The following OTUD4 variants were observed in gnomAD, a reference collection of about 807,000 sequenced individuals.
OTUD4 encodes OTU domain-containing protein 4.
OTUD4 carries 24 observed loss-of-function variants against 130.4 expected under a neutral mutation model. The observed-to-expected ratio is 0.18, with a 90% CI of 0.13 to 0.26. OTUD4 has a LOEUF of 0.26. Among genes scored for constraint, OTUD4 ranks in the 10% least tolerant of loss-of-function variants. The pLI, the probability that OTUD4 is intolerant of heterozygous loss-of-function variation, is 1.00. For synonymous variants in OTUD4, 420 were observed against 472.5 expected (o/e 0.89, Z 1.44); for missense variants, 1,031 against 1,329.4 (o/e 0.78, Z 3.49).
chr4:145,150,870 T>C lies in OTUD4; in HGVS notation c.1004A>G (p.Glu335Gly). The part of the protein sequence containing the change: ...TSKNLKAPPP[E>G]SWNTVSGKKM... ...CTTCCCTGACACTGTGTTCCAGCTT[T>C]CTGGGGGAGGTGCCTTGAGGTTCTT... is the stretch of plus-strand genomic sequence containing the variant. The change falls in exon 12 of 21, where the codon GAA (glutamate) becomes GGA (glycine). Residue 335 changes from glutamate (E) to glycine (G), a missense_variant. This residue lies in a region of OTUD4 where 900 missense variants were observed against 1,095.9 expected (regional missense o/e 0.82). Transcript: ENST00000447906. The C allele has an allele frequency of 6.2e-7, 1 of 1,613,876 alleles. No homozygotes were observed. Among genetic ancestry groups the C allele is most frequent in the South Asian group, 1.1e-5 (1 of 91,024 alleles).
chr4:145,145,818 C>A (rs900981305), intron 14 of OTUD4, among the ~76,000 whole-genome samples: 4 of 152,178 alleles, frequency 2.6e-5, no homozygotes, highest in African/African-American at 9.7e-5. Context: ...CAGCCCAGTG[C>A]CTGACACATG....
intron 5 of OTUD4, 26 bp downstream of exon 5, chr4:145,164,127 CT>C: frequency 9.2e-7 from 1 of 1,089,086 alleles, no homozygotes; most frequent in South Asian, 1.4e-5. Context: ...TACTTAAATA[CT>C]TTAGAACACT....
intron 3 of OTUD4, among the ~76,000 whole-genome samples, chr4:145,166,175 G>C (rs900348381): frequency 6.6e-6 from 1 of 150,610 alleles, no homozygotes; most frequent in African/African-American, 2.4e-5. Context: ...AAAAAAAAAA[G>C]AAAGAAAGAA....
chr4:145,161,975 T>C (rs1323386394), intron 6 of OTUD4, among the ~76,000 whole-genome samples: 4 of 152,210 alleles, frequency 2.6e-5, no homozygotes, highest in Admixed American at 6.5e-5. Flanking sequence ...TGTTTTGTTT[T>C]GCTTTGCTTC....
chr4:145,178,185 A>T (rs886584980), intron 1 of OTUD4: 1 of 152,238 alleles, frequency 6.6e-6, no homozygotes, highest in African/African-American at 2.4e-5. Context: ...CTACTTAAAA[A>T]CAGAGATCCC....
At chr4:145,170,546 T>C (rs918046511) in intron 3 of OTUD4, among the ~76,000 whole-genome samples, 1 of 152,224 alleles carries the variant, frequency 6.6e-6, no homozygotes, top group Non-Finnish European at 1.5e-5. Context: ...CACAGCTATA[T>C]ACCTCTTGTG....
Position 145,138,013 on chromosome 4 carries a change from T to G in OTUD4, c.2762A>C (p.His921Pro), listed in dbSNP as rs1273833663. 5 of 1,613,980 alleles carry G rather than the reference T, an allele frequency of 3.1e-6. No individual in the cohort carries two copies. Among genetic ancestry groups the G allele is most frequent in the Non-Finnish European group, 4.2e-6 (5 of 1,179,962 alleles). The change falls in exon 21 of 21, where the codon CAT (histidine) becomes CCT (proline). Residue 921 changes from histidine (H) to proline (P), a missense_variant. Transcript: ENST00000447906. ...EFPEARGEHV[H>P]SLPEASVSSK... is the part of the protein sequence containing the mutation. ...GCTCACACTTGCTTCAGGGAGAGAA[T>G]GTACATGTTCACCCCTGGCTTCTGG... is the stretch of plus-strand genomic sequence containing the variant.
rs1188462977 is a variant in OTUD4, at chr4:145,180,541, G to A, written c.-568C>T. Among the ~76,000 whole-genome samples, 6 of 152,334 alleles carry A rather than the reference G, an allele frequency of 3.9e-5. No homozygotes were observed. The highest frequency in any genetic ancestry group is 3.4e-3 in the Middle Eastern group (1 of 294). ...GGCGCCCGGGAGAGAACAGCACCTC[G>A]CAGCCCAGAATTTGTTTTCGCTTTC... is the stretch of plus-strand genomic sequence containing the variant. On this transcript the variant is annotated 5_prime_UTR_variant, in exon 1 of 21. Coordinates refer to ENST00000447906, the MANE Select transcript of OTUD4 (RefSeq NM_001366057.1).
chr4:145,162,292 G>A (rs1404817955), intron 6 of OTUD4, among the ~76,000 whole-genome samples: 4 of 152,038 alleles, frequency 2.6e-5, no homozygotes, highest in Non-Finnish European at 5.9e-5. Context: ...GGTAGCTCAC[G>A]CCTGTAATCC....
In OTUD4 at chr4:145,150,916, GA is replaced by G; in HGVS notation, c.969-12del. ...TTCTTTGATGTGTGCCTTCAAAGGG[GA>G]AAAGACTTGTGATAGCTTAAAATAC... On this transcript the variant is annotated splice_polypyrimidine_tract_variant and intron_variant, in intron 11 of 20. Transcript: ENST00000447906. 3.2e-6 allele frequency: 5 copies of G among 1,571,500 alleles called. No homozygotes were observed. Among genetic ancestry groups the G allele is most frequent in the Non-Finnish European group, 3.5e-6 (4 of 1,146,318 alleles).
chr4:145,156,855 G>C (rs1299979419), intron 7 of OTUD4, among the ~76,000 whole-genome samples: 1 of 152,112 alleles, frequency 6.6e-6, no homozygotes, highest in Non-Finnish European at 1.5e-5. Flanking sequence ...GAACAACATA[G>C]GTTTGAACTG....
At chr4:145,150,415 A>C (rs539241939) in intron 13 of OTUD4, 98 bp downstream of exon 13, 53 of 766,268 alleles carry the variant, frequency 6.9e-5, no homozygotes, top group Non-Finnish European at 1.0e-4. Context: ...CAATGATATG[A>C]GTAAAAAGTT....
At chr4:145,167,255 A>G (rs376848593) in intron 3 of OTUD4, among the ~76,000 whole-genome samples, 5 of 152,366 alleles carry the variant, frequency 3.3e-5, no homozygotes, top group South Asian at 2.1e-4. Context: ...CCTTGAAAGG[A>G]AAGAAAAACT....
intron 1 of OTUD4, among the ~76,000 whole-genome samples, chr4:145,175,558 T>G (rs897395716): frequency 2.6e-5 from 4 of 152,128 alleles, no homozygotes; most frequent in African/African-American, 9.7e-5. Flanking sequence ...TCTTTTTTTT[T>G]TTTTGAGACG....
Position 145,155,402 on chromosome 4 carries a change from G to C in OTUD4, c.873+9C>G. 2 of 1,602,952 alleles carry C rather than the reference G, an allele frequency of 1.2e-6. No homozygotes were observed. Among genetic ancestry groups the C allele is most frequent in the Non-Finnish European group, 1.7e-6 (2 of 1,174,032 alleles). ...TAAAATCTCTTCTTCTTTTACATAA[G>C]TCACTTACTTGACATTTGTCTCCAA... On this transcript the variant is annotated intron_variant, in intron 10 of 20. Coordinates refer to ENST00000447906, the MANE Select transcript of OTUD4 (RefSeq NM_001366057.1).
Position 145,171,717 on chromosome 4 carries a change from TA to T in OTUD4, c.246del (p.Phe82LeufsTer2). 2 of 1,320,052 alleles carry T rather than the reference TA, an allele frequency of 1.5e-6. No homozygotes were observed. The highest frequency in any genetic ancestry group is 2.2e-6 in the Non-Finnish European group (2 of 914,472). The allele number at this position is 1,320,052 out of a possible 1,614,324, so 81.8% of individuals were successfully genotyped here. On this transcript the variant is annotated frameshift_variant and splice_region_variant, in exon 3 of 21. Transcript: ENST00000447906. LOFTEE classifies it high-confidence loss of function. ...LRENREKFEA[F>X]IEGSFEEYLK... is the part of the protein sequence containing the mutation. ...AAATATTCTTCAAATGATCCTTCTA[TA>T]AACTGCAAAAAATAAATCTATTAGA...
rs1560974486 is a variant in OTUD4, at chr4:145,137,475, C to T, written c.3300G>A (p.Arg1100=). 6.2e-7 allele frequency: 1 copy of T among 1,612,670 alleles called. No individual in the cohort carries two copies. Among genetic ancestry groups the T allele is most frequent in the African/African-American group, 1.3e-5 (1 of 74,820 alleles). ...NVRGRPFRGD[R]RRSGMGDGHR... ...GGCCATCTCCCATCCCTGATCTCCTCCTATCTCCCCTAAATGGTCGCCCTC... is the reference window on the plus strand; with the variant it reads ...GGCCATCTCCCATCCCTGATCTCCTTCTATCTCCCCTAAATGGTCGCCCTC... Residue 1100 remains arginine, a synonymous_variant, in exon 21 of 21, where the codon AGG becomes AGA. Coordinates refer to ENST00000447906, the MANE Select transcript of OTUD4 (RefSeq NM_001366057.1).
chr4:145,142,496 A>AG (rs1233491719), intron 17 of OTUD4, among the ~76,000 whole-genome samples, 162 bp from the exon 18 acceptor site: 3 of 152,264 alleles, frequency 2.0e-5, no homozygotes, highest in Non-Finnish European at 4.4e-5. Flanking sequence ...AACACACAGT[A>AG]GCTAAAGATA....
Position 145,162,653 on chromosome 4 carries a change from A to C in OTUD4, c.483T>G (p.Ser161=), listed in dbSNP as rs757595120. 4.6e-6 allele frequency: 7 copies of C among 1,515,380 alleles called. No homozygotes were observed. The African/African-American group carries it at 9.7e-5, about 21-fold the overall frequency. 93.9% of individuals were successfully genotyped at this position (1,515,380 alleles called of 1,614,324 possible). Residue 161 remains serine, a synonymous_variant, in exon 6 of 21, where the codon TCT becomes TCG. Transcript: ENST00000447906. ...IVYPIKYKES[S]AMCQSLLYEL... is the part of the protein sequence containing the mutation. ...GGTGATACTTACACTGACACATAGC[A>C]GAGCTTTCTTTATACTTTATGGGAT... is the stretch of plus-strand genomic sequence containing the variant.
Sources: allele counts gnomAD v4.1 joint callset (sites outside exome capture counted in the v4.1 genomes callset), GRCh38; gene constraint gnomAD v4.1.1; regional missense constraint gnomAD v4.1.1; transcripts MANE v1.5; gene names NCBI Gene and HGNC (gene_info 2026-07-23, HGNC 2026-07-21).